Variants in CXCL13 observed in about 807,000 individuals in gnomAD.
CXCL13 encodes C-X-C motif chemokine 13.
Under a neutral mutation model 12.2 loss-of-function variants are expected in CXCL13, and 7 were observed. That is an observed-to-expected ratio of 0.57 (90% CI 0.33 to 1.07). The LOEUF (loss-of-function observed/expected upper bound fraction) is 1.07. CXCL13 is among the 50% of genes least tolerant of loss of function. The pLI, the probability that CXCL13 is intolerant of heterozygous loss-of-function variation, is 0.04. For synonymous variants in CXCL13, 47 were observed against 42.4 expected, an observed-to-expected ratio of 1.11 and a Z score of -0.42; for missense variants, 113 against 127.4, an observed-to-expected ratio of 0.89 and a Z score of 0.55.
chr4:77,607,409 A>T (rs987043791), intron 1 of CXCL13, among the ~76,000 whole-genome samples: 61 of 152,012 alleles, frequency 4.0e-4, no homozygotes, highest in Middle Eastern at 3.4e-3. Context: ...CTGGTCTCAA[A>T]CTCCTGGGTT....
chr4:77,536,565 AT>A (rs1725062203), intron 1 of CXCL13, among the ~76,000 whole-genome samples: 1 of 152,198 alleles, frequency 6.6e-6, no homozygotes, highest in Non-Finnish European at 1.5e-5. Flanking sequence ...TGCCTCCCTT[AT>A]AAATTTGTTG....
At chr4:77,589,272 G>T (rs1726551694) in intron 1 of CXCL13, among the ~76,000 whole-genome samples, 1 of 152,158 alleles carries the variant, frequency 6.6e-6, no homozygotes, top group South Asian at 2.1e-4. Context: ...ATGCCATCCT[G>T]CTTCATCCCA....
At chr4:77,544,475 A>G (rs1201358441) in intron 1 of CXCL13, among the ~76,000 whole-genome samples, 3 of 152,044 alleles carry the variant, frequency 2.0e-5, no homozygotes, top group Non-Finnish European at 4.4e-5. Context: ...TGTGGTTTTG[A>G]TTTGCATTTC....
At chr4:77,523,174 A>G (rs1282081287) in intron 1 of CXCL13, among the ~76,000 whole-genome samples, 2 of 152,002 alleles carry the variant, frequency 1.3e-5, no homozygotes, top group Non-Finnish European at 2.9e-5. Flanking sequence ...GGTGAATCTG[A>G]CAATTATTTG....
chr4:77,589,201 T>G (rs1337792323), intron 1 of CXCL13, among the ~76,000 whole-genome samples: 1 of 135,680 alleles, frequency 7.4e-6, no homozygotes, highest in Non-Finnish European at 1.6e-5. Context: ...AAAAGGAAAA[T>G]TACAGAAATA....
intron 1 of CXCL13, among the ~76,000 whole-genome samples, chr4:77,586,768 T>C (rs563270681): frequency 5.3e-5 from 8 of 152,230 alleles, no homozygotes; most frequent in Non-Finnish European, 1.0e-4. Context: ...ATATGCTTGA[T>C]GTTAGTCAGG....
chr4:77,593,460 G>A (rs185659719), intron 1 of CXCL13, among the ~76,000 whole-genome samples: 3 of 152,290 alleles, frequency 2.0e-5, no homozygotes, highest in East Asian at 3.9e-4. Context: ...GTGAGACTTG[G>A]CCTTCCAAAG....
chr4:77,580,308 C>T (rs200398657), intron 1 of CXCL13, among the ~76,000 whole-genome samples: 161 of 17,466 alleles, frequency 9.2e-3, no homozygotes, highest in Admixed American at 0.014. Context: ...AGTTTTCTTT[C>T]TTTTTTTTTT....
At chr4:77,553,380 T>A (rs1484141339) in intron 1 of CXCL13, among the ~76,000 whole-genome samples, 1 of 152,254 alleles carries the variant, frequency 6.6e-6, no homozygotes, top group Non-Finnish European at 1.5e-5. Flanking sequence ...TGGCAGACTT[T>A]GTATGTGCCT....
intron 1 of CXCL13, among the ~76,000 whole-genome samples, chr4:77,538,965 A>G (rs778845810): frequency 5.3e-5 from 8 of 152,214 alleles, no homozygotes; most frequent in Non-Finnish European, 1.0e-4. Flanking sequence ...CAAGAGTGAA[A>G]GTTTATTAAG....
At chr4:77,575,301 AT>A (rs1262873914) in intron 1 of CXCL13, among the ~76,000 whole-genome samples, 2 of 151,786 alleles carry the variant, frequency 1.3e-5, no homozygotes, top group African/African-American at 4.9e-5. Context: ...CAACTTTTTT[AT>A]TTTTTTATTA....
chr4:77,577,566 TCTAGGAAATG>T (rs927955608), intron 1 of CXCL13, among the ~76,000 whole-genome samples: 50 of 152,174 alleles, frequency 3.3e-4, no homozygotes, highest in African/African-American at 1.2e-3. Flanking sequence ...ATAAATGAGG[TCTAGGAAATG>T]CAAATACTAT....
At chr4:77,553,621 C>T (rs1430722932) in intron 1 of CXCL13, among the ~76,000 whole-genome samples, 1 of 152,176 alleles carries the variant, frequency 6.6e-6, no homozygotes, top group Non-Finnish European at 1.5e-5. Context: ...TCACTTTAAT[C>T]AGCCCCATGT....
intron 1 of CXCL13, among the ~76,000 whole-genome samples, chr4:77,530,281 C>G (rs886856662): frequency 1.3e-5 from 2 of 152,142 alleles, no homozygotes; most frequent in African/African-American, 4.8e-5. Flanking sequence ...CAGGATGATG[C>G]TGGCTTCATA....
chr4:77,591,157 C>G (rs752243138), intron 1 of CXCL13, among the ~76,000 whole-genome samples: 2 of 152,154 alleles, frequency 1.3e-5, no homozygotes, highest in Non-Finnish European at 2.9e-5. Context: ...ATATACTGTA[C>G]TATTATATTA....
At chr4:77,554,404 G>A (rs1287114456) in intron 1 of CXCL13, among the ~76,000 whole-genome samples, 4 of 152,138 alleles carry the variant, frequency 2.6e-5, no homozygotes, top group African/African-American at 9.7e-5. Flanking sequence ...ATTTAATCAA[G>A]AATGCCTCAT....
chr4:77,524,088 C>T (rs890785158), intron 1 of CXCL13, among the ~76,000 whole-genome samples: 2 of 152,230 alleles, frequency 1.3e-5, no homozygotes, highest in African/African-American at 2.4e-5. Flanking sequence ...GCTGCCTGAT[C>T]CTTCCTCTGG....
chr4:77,539,037 T>G (rs1725137936), intron 1 of CXCL13, among the ~76,000 whole-genome samples: 1 of 150,422 alleles, frequency 6.6e-6, no homozygotes, highest in South Asian at 2.1e-4. Flanking sequence ...GAAAGACTAG[T>G]GCACAGTTTG....
chr4:77,572,067 A>T (rs556149730), intron 1 of CXCL13, among the ~76,000 whole-genome samples: 39 of 152,016 alleles, frequency 2.6e-4, no homozygotes, highest in Non-Finnish European at 4.9e-4. Context: ...GCGCCACATT[A>T]AGAGCTGTAA....
Sources: gnomAD v4.1 joint callset for allele counts (sites outside exome capture counted in the v4.1 genomes callset) on GRCh38, gnomAD v4.1.1 for gene constraint, MANE v1.5 for transcripts, NCBI Gene and HGNC (gene_info 2026-07-23, HGNC 2026-07-21) for gene names.